BPIFB1: variants seen among roughly 807,000 people sequenced by gnomAD.
BPIFB1 encodes BPI fold-containing family B member 1.
BPIFB1 carries 34 observed loss-of-function variants against 55.1 expected under a neutral mutation model. The observed-to-expected ratio is 0.62, with a 90% CI of 0.47 to 0.82. The LOEUF is 0.82. Among genes scored for constraint, BPIFB1 ranks in the 40% least tolerant of loss-of-function variants. The pLI is 0.00. For synonymous variants in BPIFB1, 236 were observed against 245.3 expected (o/e 0.96, Z 0.35); for missense variants, 532 against 593.1 (o/e 0.90, Z 1.07).
intron 1 of BPIFB1, among the ~76,000 whole-genome samples, chr20:33,283,798 A>G (rs1980177643): frequency 6.6e-6 from 1 of 152,094 alleles, no homozygotes; most frequent in East Asian, 1.9e-4. Context: ...GCCATATGAC[A>G]GGGGCGTGTG....
rs1311784273 is a variant in BPIFB1 at position 33,285,704 on chromosome 20, C to G, written c.-41-329C>G. Among the ~76,000 whole-genome samples, 3 of 137,956 alleles carry G rather than the reference C, an allele frequency of 2.2e-5. No individual in the cohort carries two copies. In the South Asian group the frequency reaches 6.6e-4, roughly 30 times the overall value. The allele number at this position is 137,956 out of a possible 152,430, so 90.5% of individuals were successfully genotyped here. A position where few individuals can be genotyped will look rare whatever the true frequency, so the allele number is the denominator to read the frequency against. ...CTGCACTCCAGCCTGGGTGACAGAG[C>G]GAGACTCTGTCTCAAAAAAAAAAAA... On this transcript the variant is annotated intron_variant, in intron 1 of 15. Transcript: ENST00000253354.
chr20:33,308,825 CACAT>C (rs1981134474), intron 15 of BPIFB1, among the ~76,000 whole-genome samples: 1 of 150,616 alleles, frequency 6.6e-6, no homozygotes, highest in Non-Finnish European at 1.5e-5. Flanking sequence ...ACTACACACA[CACAT>C]ACACACACAC....
At position 33,304,860 on chromosome 20, in the gene BPIFB1, A is replaced by T. The variant is rs759067776; in HGVS notation, c.1223A>T (p.Gln408Leu). 1.9e-6 allele frequency: 3 copies of T among 1,614,206 alleles called. No homozygotes were observed. The highest frequency in any genetic ancestry group is 2.5e-6 in the Non-Finnish European group (3 of 1,180,032). ...TTCCATTGCAGCTCTGATCGGATCC[A>T]GCTGATGAACTCTGGGATTGGCTGG... is the stretch of plus-strand genomic sequence containing the variant. ...NLNNISSDRI[Q>L]LMNSGIGWFQ... is the part of the protein sequence containing the mutation. Residue 408 changes from glutamine to leucine, a missense_variant, in exon 13 of 16, where the codon CAG (glutamine) becomes CTG (leucine). By Grantham distance (113) the Gln-to-Leu change is moderately radical (BLOSUM62 -2). Transcript: ENST00000253354.
intron 2 of BPIFB1, among the ~76,000 whole-genome samples, chr20:33,288,136 C>T (rs1020528700): frequency 6.6e-6 from 1 of 152,178 alleles, no homozygotes; most frequent in Non-Finnish European, 1.5e-5. Context: ...CTGAAGTCTG[C>T]TCCTGGGGCA....
chr20:33,300,332 T>C lies in BPIFB1; in HGVS notation c.747+348T>C, dbSNP rs574011860. 2.4e-4 allele frequency among the ~76,000 whole-genome samples: 37 copies of C among 152,352 alleles called. 1 individual carries two copies. In the South Asian group the frequency reaches 3.5e-3, roughly 14 times the overall value. On this transcript the variant is annotated intron_variant, in intron 8 of 15. Coordinates refer to ENST00000253354, the MANE Select transcript of BPIFB1 (RefSeq NM_033197.3). ...GAAACACAGACCTAAGTTTCTCTCC[T>C]AGCTCTATGATTCCCTGGCTATGTG...
At chr20:33,285,729 A>AG (rs370470518) in intron 1 of BPIFB1, among the ~76,000 whole-genome samples, 12,938 of 151,300 alleles carry the variant, frequency 0.086, 881 homozygotes, top group African/African-American at 0.19. Context: ...AAAAAAAAAA[A>AG]AAAGAAAGAA....
intron 7 of BPIFB1, 38 bp from the exon 8 acceptor site, chr20:33,299,861 C>T (rs958160834): frequency 6.3e-7 from 1 of 1,595,586 alleles, no homozygotes; most frequent in Non-Finnish European, 8.6e-7. Flanking sequence ...CAATACTGCC[C>T]TCCACCCTCA....
chr20:33,289,842 T>G (rs1308380696), intron 3 of BPIFB1, 43 bp from the exon 4 acceptor site: 2 of 1,554,998 alleles, frequency 1.3e-6, no homozygotes, highest in Non-Finnish European at 1.8e-6. Context: ...TTGGGAATAA[T>G]GAGCCGGAGG....
At position 33,286,014 on chromosome 20, in the gene BPIFB1, C is replaced by G. The variant is rs1467944837; in HGVS notation, c.-41-19C>G. 6.5e-7 allele frequency: 1 copy of G among 1,532,054 alleles called. No individual in the cohort carries two copies. The highest frequency in any genetic ancestry group is 9.0e-7 in the Non-Finnish European group (1 of 1,107,924). 94.9% of individuals were successfully genotyped at this position (1,532,054 alleles called of 1,614,324 possible). On this transcript the variant is annotated intron_variant, in intron 1 of 15. Transcript: ENST00000253354. ...TGCCCTTGGCCCCTCTGCCTCAGGTCCCTCTGTGCTCACCCCAGGTCTGGC... is the reference window on the plus strand; with the variant it reads ...TGCCCTTGGCCCCTCTGCCTCAGGTGCCTCTGTGCTCACCCCAGGTCTGGC...
intron 10 of BPIFB1, chr20:33,302,620 G>A: frequency 1.5e-6 from 1 of 662,008 alleles, no homozygotes; most frequent in Admixed American, 2.3e-5. Context: ...TACAGCTGCA[G>A]TAACACAGGA....
intron 14 of BPIFB1, chr20:33,306,455 C>T (rs919755255): frequency 3.8e-5 from 13 of 341,906 alleles, no homozygotes; most frequent in South Asian, 1.3e-4. Flanking sequence ...AAAATGGGGA[C>T]GTAGAAGTAC....
chr20:33,308,429 T>C (rs1350963135), intron 15 of BPIFB1, among the ~76,000 whole-genome samples: 1 of 151,872 alleles, frequency 6.6e-6, no homozygotes, highest in African/African-American at 2.4e-5. Context: ...AGGCCTGAGA[T>C]GCATGCATGC....
rs764809109 is a variant in BPIFB1 at position 33,289,862 on chromosome 20, G to A, written c.258-23G>A. 4 of 1,599,104 alleles carry A rather than the reference G, an allele frequency of 2.5e-6. No homozygotes were observed. The South Asian group carries it at 3.3e-5, about 13-fold the overall frequency. ...AATAATGAGCCGGAGGCATGATTCT[G>A]ATCTCTCCTAAACCCCATCCAGGCT... On this transcript the variant is annotated intron_variant, in intron 3 of 15. Coordinates refer to ENST00000253354, the MANE Select transcript of BPIFB1 (RefSeq NM_033197.3).
rs941262291 is a variant in BPIFB1, at chr20:33,286,046, C to T, written c.-28C>T. On this transcript the variant is annotated 5_prime_UTR_variant, in exon 2 of 16. Coordinates refer to ENST00000253354, the MANE Select transcript of BPIFB1 (RefSeq NM_033197.3). The stretch of plus-strand genomic sequence containing the variant: ...TGCTCACCCCAGGTCTGGCATCCTG[C>T]ACTTGCTGCCCTCTGACACCTGGGA... 3 of 1,606,976 alleles carry T rather than the reference C, an allele frequency of 1.9e-6. No homozygotes were observed. Among genetic ancestry groups the T allele is most frequent in the African/African-American group, 2.7e-5 (2 of 74,778 alleles).
chr20:33,294,777 T>C (rs1240531102), intron 6 of BPIFB1, among the ~76,000 whole-genome samples: 1 of 152,168 alleles, frequency 6.6e-6, no homozygotes, highest in Non-Finnish European at 1.5e-5. Context: ...GAAAGAACAA[T>C]GTGTGAAAGC....
At chr20:33,299,526 T>C (rs1980776903) in intron 7 of BPIFB1, among the ~76,000 whole-genome samples, 1 of 152,210 alleles carries the variant, frequency 6.6e-6, no homozygotes, top group South Asian at 2.1e-4. Flanking sequence ...AATAGTTCAG[T>C]TCCGTTCCAA....
At chr20:33,284,300 T>C (rs1980194410) in intron 1 of BPIFB1, among the ~76,000 whole-genome samples, 1 of 152,158 alleles carries the variant, frequency 6.6e-6, no homozygotes, top group Admixed American at 6.5e-5. Flanking sequence ...GCCAAGCCAA[T>C]AATATTTTCC....
At chr20:33,291,690 A>G (rs1980477454) in intron 5 of BPIFB1, among the ~76,000 whole-genome samples, 2 of 152,196 alleles carry the variant, frequency 1.3e-5, no homozygotes, top group South Asian at 4.1e-4. Context: ...GCCCAGCATA[A>G]AGTTCCAATG....
chr20:33,290,709 C>T (rs575674821), intron 4 of BPIFB1, among the ~76,000 whole-genome samples: 2 of 152,218 alleles, frequency 1.3e-5, no homozygotes, highest in African/African-American at 4.8e-5. Context: ...TTGAGAAGCC[C>T]GTGAGACATC....
Sources: gnomAD v4.1 joint callset for allele counts (sites outside exome capture counted in the v4.1 genomes callset) on GRCh38, gnomAD v4.1.1 for gene constraint, MANE v1.5 for transcripts, NCBI Gene and HGNC (gene_info 2026-07-23, HGNC 2026-07-21) for gene names.